The following DNAJC8 variants were observed in gnomAD, a reference collection of about 807,000 sequenced individuals.
DNAJC8 encodes the protein DnaJ heat shock protein family (Hsp40) member C8.
A neutral mutation model predicts 43.2 loss-of-function variants in DNAJC8; 24 were observed. The observed-to-expected ratio is 0.56, with a 90% CI of 0.40 to 0.78. DNAJC8 has a LOEUF of 0.78. DNAJC8 is among the 30% of genes least tolerant of loss of function. DNAJC8 has a pLI of 0.00. For missense variants in DNAJC8, 207 were observed against 299.4 expected (o/e 0.69, Z 2.28); for synonymous variants, 83 against 98.0 (o/e 0.85, Z 0.90).
chr1:28,228,949 G>C lies in DNAJC8; in HGVS notation c.153C>G (p.Ser51=). 6.2e-7 allele frequency: 1 copy of C among 1,613,012 alleles called. No individual in the cohort carries two copies. ...NQIERLTRPG[S]SYFNLNPFEV... is the part of the protein sequence containing the mutation. ...CAAATGGGTTCAAATTGAAGTAAGA[G>C]GAACCAGGACGGGTCAGTCTTTCAA... The change falls in exon 2 of 9, where the codon TCC becomes TCG. Residue 51 remains serine, a synonymous_variant. Transcript: ENST00000263697.
At position 28,201,469 on chromosome 1, in the gene DNAJC8, T is replaced by C. The variant is rs956846768; in HGVS notation, c.640-99A>G. The C allele has an allele frequency of 2.5e-5, 39 of 1,549,724 alleles. No homozygotes were observed. In the African/African-American group the frequency reaches 4.5e-4, roughly 18 times the overall value. ...CTCACCCTCCTGTAGCCCAGCCCAC[T>C]TCAGTCCTCTGGAATAACCCAAGAG... On this transcript the variant is annotated intron_variant, in intron 8 of 8. Coordinates refer to ENST00000263697, the MANE Select transcript of DNAJC8 (RefSeq NM_014280.3).
At chr1:28,218,649 T>C (rs35618149) in intron 2 of DNAJC8, among the ~76,000 whole-genome samples, 2 of 151,926 alleles carry the variant, frequency 1.3e-5, no homozygotes, top group African/African-American at 2.4e-5. Flanking sequence ...CTCACGCCTG[T>C]AATCCCAGTG....
At chr1:28,232,365 G>T (rs1416120222) in intron 1 of DNAJC8, among the ~76,000 whole-genome samples, 1 of 152,150 alleles carries the variant, frequency 6.6e-6, no homozygotes, top group East Asian at 1.9e-4. Context: ...AGTAAAGGAG[G>T]CTCAGAACAA....
intron 3 of DNAJC8, among the ~76,000 whole-genome samples, chr1:28,214,668 T>C (rs1022204520): frequency 1.3e-5 from 2 of 152,230 alleles, no homozygotes; most frequent in Non-Finnish European, 2.9e-5. Flanking sequence ...ATGCAAGCTC[T>C]ATTATTCTAC....
chr1:28,212,631 G>T (rs1646823243), intron 3 of DNAJC8, among the ~76,000 whole-genome samples: 1 of 151,294 alleles, frequency 6.6e-6, no homozygotes, highest in East Asian at 1.9e-4. Flanking sequence ...AAAAAAAAAA[G>T]AACTTTCATA....
intron 2 of DNAJC8, among the ~76,000 whole-genome samples, chr1:28,220,995 G>A (rs1646894356): frequency 6.6e-6 from 1 of 151,858 alleles, no homozygotes; most frequent in Non-Finnish European, 1.5e-5. Flanking sequence ...ATTCAGATAA[G>A]TTCCTGAACT....
At chr1:28,227,625 A>T (rs970954248) in intron 2 of DNAJC8, among the ~76,000 whole-genome samples, 4 of 152,036 alleles carry the variant, frequency 2.6e-5, no homozygotes, top group Non-Finnish European at 4.4e-5. Flanking sequence ...TATTGAGCTG[A>T]GCCAGGTGTG....
intron 2 of DNAJC8, among the ~76,000 whole-genome samples, chr1:28,227,104 CTTTTT>C (rs375175168): frequency 2.1e-5 from 2 of 95,144 alleles, no homozygotes; most frequent in South Asian, 3.6e-4. Flanking sequence ...CTCTCTCTCT[CTTTTT>C]TTTTTTTTTT....
At chr1:28,219,854 T>G (rs1001430232) in intron 2 of DNAJC8, among the ~76,000 whole-genome samples, 1 of 152,120 alleles carries the variant, frequency 6.6e-6, no homozygotes, top group African/African-American at 2.4e-5. Flanking sequence ...TTTTTTGTAT[T>G]TCAGTAGAGA....
At chr1:28,214,882 A>G in intron 3 of DNAJC8, 58 bp downstream of exon 3, 2 of 1,470,418 alleles carry the variant, frequency 1.4e-6, no homozygotes, top group East Asian at 2.3e-5. Context: ...GCAAGTGATA[A>G]AAGAATCATG....
intron 3 of DNAJC8, among the ~76,000 whole-genome samples, chr1:28,213,745 C>T (rs1646831945): frequency 6.6e-6 from 1 of 152,168 alleles, no homozygotes; most frequent in Non-Finnish European, 1.5e-5. Context: ...TAGCCAGGCA[C>T]GGTGGCTCAT....
chr1:28,201,958 G>A (rs943281314), intron 8 of DNAJC8, among the ~76,000 whole-genome samples: 3 of 146,948 alleles, frequency 2.0e-5, no homozygotes, highest in Non-Finnish European at 3.0e-5. Flanking sequence ...GCATGGTGGC[G>A]CATGCCTGTT....
At chr1:28,206,422 T>C (rs1003859875) in intron 6 of DNAJC8, among the ~76,000 whole-genome samples, 3 of 149,670 alleles carry the variant, frequency 2.0e-5, no homozygotes, top group African/African-American at 7.4e-5. Flanking sequence ...ATTATTAGAA[T>C]GTATAATATC....
rs533463129 is a variant in DNAJC8, at chr1:28,211,015, A to T, written c.238-378T>A. On this transcript the variant is annotated intron_variant, in intron 3 of 8. Coordinates refer to ENST00000263697, the MANE Select transcript of DNAJC8 (RefSeq NM_014280.3). ...CAAGACCCTGTCTCTACAAAAAAAA[A>T]ATTTTTTAATTACCCAGACATGGTG... is the stretch of plus-strand genomic sequence containing the variant. Among the ~76,000 whole-genome samples the T allele has an allele frequency of 4.2e-3, 632 of 152,180 alleles. 5 individuals are homozygous for T. The highest frequency in any genetic ancestry group is 0.014 in the African/African-American group (593 of 41,514).
At chr1:28,204,788 G>T (rs929863477) in intron 7 of DNAJC8, among the ~76,000 whole-genome samples, 1 of 151,976 alleles carries the variant, frequency 6.6e-6, no homozygotes, top group Non-Finnish European at 1.5e-5. Flanking sequence ...ACTTTGGGAG[G>T]GCAAGGCAGG....
intron 2 of DNAJC8, among the ~76,000 whole-genome samples, chr1:28,216,208 C>T (rs1202996525): frequency 2.6e-5 from 4 of 152,050 alleles, no homozygotes; most frequent in East Asian, 1.9e-4. Flanking sequence ...ATTAGCCAGG[C>T]GTAGTGGCGC....
In DNAJC8 at chr1:28,221,547, G is replaced by A. The variant is rs536890; in HGVS notation, c.181-6551C>T. On this transcript the variant is annotated intron_variant, in intron 2 of 8. Transcript: ENST00000263697. ...ACTAATAGGGCACTAAAATCCTAGC[G>A]TTTCACACTGATGCCCAACAATCTG... 6.6e-4 allele frequency among the ~76,000 whole-genome samples: 101 copies of A among 151,970 alleles called. 1 individual carries two copies. Among genetic ancestry groups the A allele is most frequent in the African/African-American group, 2.2e-3 (92 of 41,428 alleles).
intron 1 of DNAJC8, among the ~76,000 whole-genome samples, chr1:28,231,198 C>T (rs765073415): frequency 3.3e-5 from 5 of 151,964 alleles, no homozygotes; most frequent in African/African-American, 4.8e-5. Flanking sequence ...CAACAAGACC[C>T]TGTCACAACA....
intron 1 of DNAJC8, among the ~76,000 whole-genome samples, chr1:28,230,624 A>T (rs1488420565): frequency 6.6e-6 from 1 of 152,100 alleles, no homozygotes; most frequent in Non-Finnish European, 1.5e-5. Flanking sequence ...AAAGGTTGCC[A>T]TTTGGTTTTT....
Sources: allele counts gnomAD v4.1 joint callset (sites outside exome capture counted in the v4.1 genomes callset), GRCh38; gene constraint gnomAD v4.1.1; transcripts MANE v1.5; gene names NCBI Gene and HGNC (gene_info 2026-07-23, HGNC 2026-07-21).